NINL: variants seen among roughly 807,000 people sequenced by gnomAD.
NINL encodes the protein ninein-like protein.
A neutral mutation model predicts 160.3 loss-of-function variants in NINL; 153 were observed. That is an observed-to-expected ratio of 0.95 (90% CI 0.84 to 1.09). NINL has a LOEUF of 1.09. Among genes scored for constraint, NINL ranks in the 50% least tolerant of loss-of-function variants. The pLI is 0.00. For synonymous variants in NINL, 800 were observed against 734.8 expected (o/e 1.09, Z -1.43); for missense variants, 1,829 against 1,764.0 (o/e 1.04, Z -0.66).
intron 17 of NINL, among the ~76,000 whole-genome samples, chr20:25,471,480 G>A (rs1487466621): frequency 1.3e-5 from 2 of 152,118 alleles, no homozygotes; most frequent in Admixed American, 6.5e-5. Context: ...ATGCAAGGCC[G>A]AAAGCTGAGG....
intron 23 of NINL, among the ~76,000 whole-genome samples, chr20:25,454,408 G>A: frequency 6.6e-6 from 1 of 152,152 alleles, no homozygotes; most frequent in Non-Finnish European, 1.5e-5. Flanking sequence ...GATTGAACCA[G>A]AAGTCAGGTG....
intron 1 of NINL, among the ~76,000 whole-genome samples, chr20:25,568,075 G>C (rs1432390536): frequency 6.6e-6 from 1 of 151,496 alleles, no homozygotes; most frequent in African/African-American, 2.4e-5. Flanking sequence ...ATAACAAAGA[G>C]GGGAAATCAA....
intron 1 of NINL, among the ~76,000 whole-genome samples, chr20:25,555,090 T>C (rs2147110167): frequency 6.6e-6 from 1 of 152,334 alleles, no homozygotes; most frequent in South Asian, 2.1e-4. Context: ...GTTTGGTTTC[T>C]GAGAAGGCCA....
intron 13 of NINL, among the ~76,000 whole-genome samples, chr20:25,487,804 G>A (rs1568896834): frequency 6.6e-6 from 1 of 152,158 alleles, no homozygotes; most frequent in Non-Finnish European, 1.5e-5. Flanking sequence ...TTTCTTCTGC[G>A]GGCCAGAGCA....
intron 17 of NINL, among the ~76,000 whole-genome samples, chr20:25,472,324 G>GAGATATAT (rs1491225365): frequency 7.1e-5 from 6 of 83,980 alleles, no homozygotes; most frequent in Admixed American, 1.6e-4. Flanking sequence ...GGGAGGAGAG[G>GAGATATAT]ATATATATAT....
chr20:25,497,516 T>C (rs1393129281), intron 9 of NINL, among the ~76,000 whole-genome samples: 5 of 152,240 alleles, frequency 3.3e-5, no homozygotes, highest in South Asian at 2.1e-4. Context: ...AGGATTGAGA[T>C]TGTGGTTTCT....
At chr20:25,552,107 G>A (rs953582540) in intron 1 of NINL, among the ~76,000 whole-genome samples, 1 of 152,164 alleles carries the variant, frequency 6.6e-6, no homozygotes, top group Non-Finnish European at 1.5e-5. Flanking sequence ...TCCATTCCCA[G>A]GCTTAACTCT....
At chr20:25,535,444 GAT>G (rs2064539784) in intron 1 of NINL, among the ~76,000 whole-genome samples, 9 of 152,206 alleles carry the variant, frequency 5.9e-5, no homozygotes, top group Admixed American at 5.9e-4. Flanking sequence ...TGAGGGGACA[GAT>G]ATGTTAATTA....
chr20:25,557,974 C>CAA (rs3036848), intron 1 of NINL, among the ~76,000 whole-genome samples: 35 of 132,738 alleles, frequency 2.6e-4, no homozygotes, highest in East Asian at 8.9e-4. Context: ...ACTAAAAATA[C>CAA]AAAAAAAAAA....
rs142284573 is a variant in NINL, at chr20:25,476,396, G to A, written c.2895C>T (p.Ala965=). 15 of 1,598,918 alleles carry A rather than the reference G, an allele frequency of 9.4e-6. No homozygotes were observed. In the African/African-American group the frequency reaches 1.1e-4, roughly 12 times the overall value. The change falls in exon 17 of 24, where the codon GCC becomes GCT. Residue 965 remains alanine, a synonymous_variant. Coordinates refer to ENST00000278886, the MANE Select transcript of NINL (RefSeq NM_025176.6). ...TCTCAGCCTGTCCCCTGCACGAAGCGGCCGGCCTCAGGGGTGGCTCCCACA... is the reference window on the plus strand; with the variant it reads ...TCTCAGCCTGTCCCCTGCACGAAGCAGCCGGCCTCAGGGGTGGCTCCCACA... The part of the protein sequence containing the change: ...PRMWEPPLRP[A]ASCRGQAERL...
chr20:25,534,733 G>C (rs936861355), intron 1 of NINL, among the ~76,000 whole-genome samples: 3 of 152,144 alleles, frequency 2.0e-5, no homozygotes, highest in African/African-American at 4.8e-5. Flanking sequence ...ATATCCATAG[G>C]GGGTGGTTCC....
chr20:25,461,441 C>A, intron 21 of NINL, 81 bp downstream of exon 21: 1 of 828,588 alleles, frequency 1.2e-6, no homozygotes, highest in Non-Finnish European at 1.9e-6. Context: ...TGGAGGAGGC[C>A]TGGCAACACC....
chr20:25,564,475 G>A (rs775033087), intron 1 of NINL, among the ~76,000 whole-genome samples: 1 of 152,046 alleles, frequency 6.6e-6, no homozygotes, highest in Non-Finnish European at 1.5e-5. Context: ...ATGCCACCAG[G>A]CCCAACTAAT....
rs1413040167 is a variant in NINL at position 25,462,431 on chromosome 20, C to G, written c.3534G>C (p.Gln1178His). The change falls in exon 20 of 24, where the codon CAG becomes CAC. Residue 1178 changes from glutamine (Q) to histidine (H), a missense_variant. Gln to His is a conservative substitution (Grantham distance 24, BLOSUM62 0). Coordinates refer to ENST00000278886, the MANE Select transcript of NINL (RefSeq NM_025176.6). The part of the protein sequence containing the change: ...AQNEEHRVTI[Q>H]MLTQSLEEVV... ...CCTCCTCCAGGCTCTGTGTTAACAT[C>G]TGAATGGTCACACGATGCTCCTCGT... The G allele has an allele frequency of 5.6e-6, 9 of 1,614,160 alleles. No individual in the cohort carries two copies. The South Asian group carries it at 9.9e-5, about 18-fold the overall frequency.
rs76197502 is a variant in NINL at position 25,532,410 on chromosome 20, C to T, written c.-11-5812G>A. ...TCTGGCAAACAGCGGTCCCCTCTGG[C>T]CCTGTCTTTGCAGGCTCATGGCATA... On this transcript the variant is annotated intron_variant, in intron 1 of 23. Coordinates refer to ENST00000278886, the MANE Select transcript of NINL (RefSeq NM_025176.6). Among the ~76,000 whole-genome samples the T allele has an allele frequency of 6.0e-3, 920 of 152,370 alleles. 10 individuals are homozygous for T. Among genetic ancestry groups the T allele is most frequent in the African/African-American group, 0.021 (883 of 41,588 alleles).
chr20:25,529,267 T>C (rs187240741), intron 1 of NINL, among the ~76,000 whole-genome samples: 2 of 152,150 alleles, frequency 1.3e-5, no homozygotes, highest in East Asian at 3.9e-4. Flanking sequence ...AGCAAGATCT[T>C]GTCTCTTAAA....
chr20:25,494,623 G>A (rs2063711657), intron 10 of NINL, among the ~76,000 whole-genome samples: 1 of 152,220 alleles, frequency 6.6e-6, no homozygotes, highest in Admixed American at 6.5e-5. Flanking sequence ...CAGAGGCGGG[G>A]TGAGGCCCCG....
intron 2 of NINL, among the ~76,000 whole-genome samples, chr20:25,518,426 G>A (rs1033161118): frequency 1.3e-5 from 2 of 151,980 alleles, no homozygotes; most frequent in African/African-American, 4.8e-5. Flanking sequence ...ATAACAAAAT[G>A]CTCACACTCT....
chr20:25,571,832 C>T (rs2065057277), intron 1 of NINL, among the ~76,000 whole-genome samples: 1 of 128,414 alleles, frequency 7.8e-6, no homozygotes, highest in Admixed American at 9.3e-5. Context: ...CACACCACTG[C>T]ACTCCAGCCT....
Sources: gnomAD v4.1 joint callset for allele counts (sites outside exome capture counted in the v4.1 genomes callset) on GRCh38, gnomAD v4.1.1 for gene constraint, MANE v1.5 for transcripts, NCBI Gene and HGNC (gene_info 2026-07-23, HGNC 2026-07-21) for gene names.